The following INO80 variants were observed in gnomAD, a reference collection of about 807,000 sequenced individuals.
The protein encoded by INO80 is INO80 complex ATPase subunit.
Under a neutral mutation model 203.4 loss-of-function variants are expected in INO80, and 20 were observed. That is an observed-to-expected ratio of 0.10 (90% CI 0.07 to 0.14). INO80 has a LOEUF of 0.14. Among genes scored for constraint, INO80 ranks in the 10% least tolerant of loss-of-function variants. The pLI is 1.00. For synonymous variants in INO80, 726 were observed against 685.2 expected (o/e 1.06, Z -0.93); for missense variants, 1,419 against 1,914.4 (o/e 0.74, Z 4.83).
intron 29 of INO80, among the ~76,000 whole-genome samples, chr15:40,990,329 AGAGT>A (rs2043799869): frequency 6.6e-6 from 1 of 152,194 alleles, no homozygotes; most frequent in Non-Finnish European, 1.5e-5. Context: ...ACTATTTGAA[AGAGT>A]GAGTCATCTT....
chr15:40,980,238 G>A lies in INO80; in HGVS notation c.4656C>T (p.Pro1552=), dbSNP rs994225848. ...GCCCAGATGGTTACCGTCCTCCAGA[G>A]GGGTTGGTGCCTTTGCCCTGTTTCC... The part of the protein sequence containing the change: ...LVRKQGKGTN[P]SGGR The change falls in exon 36 of 36, where the codon CCC becomes CCT. Residue 1552 remains proline (P), a synonymous_variant. Transcript: ENST00000648947. The A allele has an allele frequency of 2.5e-6, 4 of 1,612,880 alleles. No individual in the cohort carries two copies. Among genetic ancestry groups the A allele is most frequent in the African/African-American group, 1.3e-5 (1 of 75,028 alleles).
At chr15:41,037,627 C>A (rs1227598593) in intron 24 of INO80, among the ~76,000 whole-genome samples, 2 of 152,146 alleles carry the variant, frequency 1.3e-5, no homozygotes, top group Non-Finnish European at 2.9e-5. Context: ...CCAGTATTCA[C>A]AAGAGTTTTT....
In INO80 at chr15:41,091,644, G is replaced by A. The variant is rs891644539; in HGVS notation, c.537+383C>T. 2.9e-5 allele frequency among the ~76,000 whole-genome samples: 4 copies of A among 139,504 alleles called. No individual in the cohort carries two copies. The East Asian group carries it at 8.5e-4, about 30-fold the overall frequency. 91.5% of individuals were successfully genotyped at this position (139,504 alleles called of 152,430 possible). ...ATGATTTCCAGCTCCATAAAATGATGTATCTCTTTTTTTTTTTTTTTTTTT... is the reference window on the plus strand; with the variant it reads ...ATGATTTCCAGCTCCATAAAATGATATATCTCTTTTTTTTTTTTTTTTTTT... On this transcript the variant is annotated intron_variant, in intron 5 of 35. Transcript: ENST00000648947.
At position 41,027,580 on chromosome 15, in the gene INO80, C is replaced by A. The variant is rs1482075982; in HGVS notation, c.3048+16G>T. On this transcript the variant is annotated intron_variant, in intron 25 of 35. Transcript: ENST00000648947. ...TATTGCCATCTATTTCATCTCTTCC[C>A]TCCTGGAGCACTTACTCGTGGACTG... 2 of 1,587,498 alleles carry A rather than the reference C, an allele frequency of 1.3e-6. No individual in the cohort carries two copies. Among genetic ancestry groups the A allele is most frequent in the Admixed American group, 3.7e-5 (2 of 54,730 alleles).
intron 1 of INO80, among the ~76,000 whole-genome samples, chr15:41,096,636 A>AT (rs2045728368): frequency 6.6e-6 from 1 of 152,236 alleles, no homozygotes; most frequent in South Asian, 2.1e-4. Flanking sequence ...CTTAAAATGT[A>AT]TACCCACTTC....
At chr15:41,080,375 CT>C (rs2045467954) in intron 8 of INO80, among the ~76,000 whole-genome samples, 1 of 152,114 alleles carries the variant, frequency 6.6e-6, no homozygotes, top group Non-Finnish European at 1.5e-5. Context: ...ATGGCCTAAT[CT>C]GATCCTCACA....
intron 1 of INO80, 50 bp downstream of exon 1, chr15:41,115,923 G>T: frequency 2.6e-6 from 1 of 378,932 alleles, no homozygotes; most frequent in South Asian, 1.3e-4. Flanking sequence ...GGCGCAACAA[G>T]ACCTACACAA....
At chr15:41,028,059 G>A (rs1461353449) in intron 24 of INO80, among the ~76,000 whole-genome samples, 1 of 152,146 alleles carries the variant, frequency 6.6e-6, no homozygotes, top group Non-Finnish European at 1.5e-5. Flanking sequence ...GTCAGGGGAA[G>A]TTTGGTTCAT....
At chr15:41,012,407 A>T (rs925251460) in intron 27 of INO80, among the ~76,000 whole-genome samples, 6 of 151,596 alleles carry the variant, frequency 4.0e-5, no homozygotes, top group Admixed American at 3.9e-4. Flanking sequence ...TCTCTACAAA[A>T]ATACAAAAAT....
chr15:41,060,052 A>C (rs983555704), intron 14 of INO80, 126 bp from the exon 15 acceptor site: 9 of 622,766 alleles, frequency 1.4e-5, no homozygotes, highest in Non-Finnish European at 2.1e-5. Flanking sequence ...CTCTCCTGCC[A>C]ATGGTGGAAT....
intron 35 of INO80, among the ~76,000 whole-genome samples, chr15:40,981,067 C>T (rs558615418): frequency 2.0e-5 from 3 of 152,318 alleles, no homozygotes; most frequent in Non-Finnish European, 2.9e-5. Context: ...AAGCCAAATC[C>T]ACTTACATGT....
At chr15:41,107,489 A>G (rs1290114340) in intron 1 of INO80, among the ~76,000 whole-genome samples, 3 of 152,144 alleles carry the variant, frequency 2.0e-5, no homozygotes, top group Non-Finnish European at 2.9e-5. Flanking sequence ...TGACAGAACA[A>G]GACTCTGTCA....
At chr15:40,998,364 A>C (rs1374163651) in intron 28 of INO80, among the ~76,000 whole-genome samples, 2 of 152,080 alleles carry the variant, frequency 1.3e-5, no homozygotes, top group African/African-American at 4.8e-5. Context: ...GTCCCAGAAA[A>C]ATGACTCAAA....
intron 1 of INO80, among the ~76,000 whole-genome samples, chr15:41,100,063 G>T (rs1407251229): frequency 6.6e-6 from 1 of 152,000 alleles, no homozygotes; most frequent in South Asian, 2.1e-4. Context: ...GGAGTGATTC[G>T]AAATGAATGG....
chr15:41,050,180 C>T, intron 19 of INO80, 78 bp from the exon 20 acceptor site: 1 of 903,664 alleles, frequency 1.1e-6, no homozygotes, highest in Non-Finnish European at 1.7e-6. Context: ...GTTGAAAACA[C>T]ACACAAACCA....
intron 19 of INO80, among the ~76,000 whole-genome samples, 172 bp downstream of exon 19, chr15:41,053,757 G>T (rs943944907): frequency 6.6e-6 from 1 of 152,074 alleles, no homozygotes; most frequent in African/African-American, 2.4e-5. Flanking sequence ...AAGAAAAAAA[G>T]ATGTTATTTT....
At chr15:41,087,472 C>CT (rs2045579331) in intron 6 of INO80, 90 bp downstream of exon 6, 2 of 1,347,610 alleles carry the variant, frequency 1.5e-6, no homozygotes, top group Non-Finnish European at 2.0e-6. Flanking sequence ...ACCATATGGA[C>CT]TTATATATAA....
chr15:41,013,368 G>C (rs367922772), intron 27 of INO80: 1 of 152,144 alleles, frequency 6.6e-6, no homozygotes, highest in Non-Finnish European at 1.5e-5. Context: ...CTATTCAGAA[G>C]GTCCCACTGC....
chr15:41,082,383 G>A (rs1181960627), intron 7 of INO80, among the ~76,000 whole-genome samples: 2 of 151,862 alleles, frequency 1.3e-5, no homozygotes, highest in Non-Finnish European at 2.9e-5. Context: ...GGGCAAGATA[G>A]TGAGACCTCG....
Sources: gnomAD v4.1 joint callset for allele counts (sites outside exome capture counted in the v4.1 genomes callset) on GRCh38, gnomAD v4.1.1 for gene constraint, MANE v1.5 for transcripts, NCBI Gene and HGNC (gene_info 2026-07-23, HGNC 2026-07-21) for gene names.